MEGF11: variants seen among roughly 807,000 people sequenced by gnomAD.
MEGF11 encodes the protein multiple EGF like domains 11, also known as multiple epidermal growth factor-like domains protein 11.
A neutral mutation model predicts 146.6 loss-of-function variants in MEGF11; 126 were observed. That is an observed-to-expected ratio of 0.86 (90% CI 0.74 to 1.00). The LOEUF is 1.00. Among genes scored for constraint, MEGF11 ranks in the 50% least tolerant of loss-of-function variants. The pLI is 0.00. For synonymous variants in MEGF11, 532 were observed against 583.4 expected (o/e 0.91, Z 1.27); for missense variants, 1,509 against 1,521.2 (o/e 0.99, Z 0.13).
intron 21 of MEGF11, among the ~76,000 whole-genome samples, chr15:65,910,143 C>T (rs1372134296): frequency 6.6e-6 from 1 of 152,084 alleles, no homozygotes; most frequent in Non-Finnish European, 1.5e-5. Flanking sequence ...CTGGTGATGT[C>T]TCAGCTGCAA....
At chr15:65,991,869 GA>G (rs2082053421) in intron 5 of MEGF11, among the ~76,000 whole-genome samples, 1 of 152,178 alleles carries the variant, frequency 6.6e-6, no homozygotes, top group Non-Finnish European at 1.5e-5. Flanking sequence ...CAGCTATTAC[GA>G]GATGAGAGGC....
rs1185541197 is a variant in MEGF11 at position 65,982,511 on chromosome 15, G to A, written c.395-23C>T. ...AGCCTGCAAGAGACGGGACAGTCAGGGATCAGGAGCCCCGAAGGCTCTCCT... is the reference window on the plus strand; with the variant it reads ...AGCCTGCAAGAGACGGGACAGTCAGAGATCAGGAGCCCCGAAGGCTCTCCT... On this transcript the variant is annotated intron_variant, in intron 5 of 25. Coordinates refer to ENST00000395614, the MANE Select transcript of MEGF11 (RefSeq NM_001385028.1). The surrounding 1 kb of genome is among the most constrained non-coding windows in gnomAD (Gnocchi z 5.6). 1.4e-6 allele frequency: 2 copies of A among 1,455,466 alleles called. No homozygotes were observed. The highest frequency in any genetic ancestry group is 1.8e-6 in the Non-Finnish European group (2 of 1,105,814). 90.2% of individuals were successfully genotyped at this position (1,455,466 alleles called of 1,614,324 possible).
At chr15:66,075,712 G>A (rs1191294332) in intron 5 of MEGF11, among the ~76,000 whole-genome samples, 5 of 152,198 alleles carry the variant, frequency 3.3e-5, no homozygotes, top group Admixed American at 2.6e-4. Context: ...CAGAACAGTG[G>A]GTGTTTTGAA....
rs1409384387 is a variant in MEGF11, at chr15:65,982,321, G to A, written c.562C>T (p.Pro188Ser). ...CTGGCACCGTGTCGGCACTGGCACG[G>A]CAGCTGGCATCCCTTGCCGTGGGTG... ...PGTHGKGCQLPCQCRHGASCD... is the reference protein window; with the variant it reads ...PGTHGKGCQLSCQCRHGASCD... Residue 188 changes from proline (P) to serine (S), a missense_variant, in exon 6 of 26, where the codon CCG becomes TCG. By Grantham distance (74) the Pro-to-Ser change is moderately conservative (BLOSUM62 -1). Coordinates refer to ENST00000395614, the MANE Select transcript of MEGF11 (RefSeq NM_001385028.1). This position sits in a 1 kb window ranked among gnomAD's most constrained non-coding sequence, Gnocchi z 5.6. 1.3e-6 allele frequency: 2 copies of A among 1,530,954 alleles called. No homozygotes were observed. Among genetic ancestry groups the A allele is most frequent in the Non-Finnish European group, 8.8e-7 (1 of 1,139,472 alleles). 94.8% of individuals were successfully genotyped at this position (1,530,954 alleles called of 1,614,324 possible).
At chr15:66,019,264 T>TCCTG (rs2140159164) in intron 5 of MEGF11, among the ~76,000 whole-genome samples, 1 of 152,210 alleles carries the variant, frequency 6.6e-6, no homozygotes, top group African/African-American at 2.4e-5. Flanking sequence ...CAAGCACCAA[T>TCCTG]CCTGACATGG....
At position 65,932,456 on chromosome 15, in the gene MEGF11, G is replaced by A. The variant is rs928867466; in HGVS notation, c.1288-1513C>T. Among the ~76,000 whole-genome samples the A allele has an allele frequency of 6.3e-5, 9 of 143,538 alleles. No homozygotes were observed. The East Asian group carries it at 1.2e-3, about 20-fold the overall frequency. The allele number at this position is 143,538 out of a possible 152,430, so 94.2% of individuals were successfully genotyped here. ...GTTAGCTCCACTAAACAATTTGGAC[G>A]AGGGGCAAGTTACAGGGTAGGAGAC... On this transcript the variant is annotated intron_variant, in intron 10 of 25. Coordinates refer to ENST00000395614, the MANE Select transcript of MEGF11 (RefSeq NM_001385028.1).
intron 4 of MEGF11, among the ~76,000 whole-genome samples, chr15:66,101,376 C>T (rs2086801119): frequency 6.6e-6 from 1 of 152,186 alleles, no homozygotes; most frequent in African/African-American, 2.4e-5. Flanking sequence ...CCATCTACAA[C>T]CTGCATCTCC....
chr15:66,115,131 A>G (rs1442907355), intron 4 of MEGF11, among the ~76,000 whole-genome samples: 1 of 152,224 alleles, frequency 6.6e-6, no homozygotes, highest in Non-Finnish European at 1.5e-5. Context: ...GGAAGATGAC[A>G]TCCTCCCGCC....
chr15:65,935,269 G>A (rs773186150), intron 10 of MEGF11, among the ~76,000 whole-genome samples: 22 of 137,976 alleles, frequency 1.6e-4, no homozygotes, highest in Non-Finnish European at 2.7e-4. Context: ...GCAGTGAGCC[G>A]AGGTCACACC....
At chr15:65,968,031 T>G (rs141556133) in intron 8 of MEGF11, among the ~76,000 whole-genome samples, 110 of 152,274 alleles carry the variant, frequency 7.2e-4, no homozygotes, top group Middle Eastern at 3.4e-3. Flanking sequence ...GTGGCTAAGA[T>G]GACCCCAGAT....
chr15:65,966,050 G>A (rs1282763700), intron 8 of MEGF11, among the ~76,000 whole-genome samples: 7 of 152,156 alleles, frequency 4.6e-5, no homozygotes, highest in Non-Finnish European at 7.4e-5. Flanking sequence ...CTGTTGCCCA[G>A]GCTGGAATGG....
chr15:66,101,635 A>G (rs1371563598), intron 4 of MEGF11, among the ~76,000 whole-genome samples: 1 of 152,230 alleles, frequency 6.6e-6, no homozygotes, highest in African/African-American at 2.4e-5. Context: ...TGCCCGGCAC[A>G]TGGCAGGTGT....
At chr15:66,223,430 C>T (rs1215112382) in intron 1 of MEGF11, among the ~76,000 whole-genome samples, 3 of 151,696 alleles carry the variant, frequency 2.0e-5, no homozygotes, top group Non-Finnish European at 4.4e-5. Context: ...GTGATGGTTG[C>T]ATAACTCTGT....
intron 10 of MEGF11, among the ~76,000 whole-genome samples, chr15:65,941,346 G>A (rs1346463427): frequency 6.6e-6 from 1 of 152,112 alleles, no homozygotes; most frequent in African/African-American, 2.4e-5. Context: ...AACTTGGGAG[G>A]CTGAGGCACG....
rs549512161 is a variant in MEGF11 at position 66,173,140 on chromosome 15, C to T, written c.-8-44729G>A. On this transcript the variant is annotated intron_variant, in intron 1 of 25. Coordinates refer to ENST00000395614, the MANE Select transcript of MEGF11 (RefSeq NM_001385028.1). ...GGCTCTGTAGCCTGGAGCACCCTTTCTTATGGTCTTTGTATTTGTCCCCTC... is the reference window on the plus strand; with the variant it reads ...GGCTCTGTAGCCTGGAGCACCCTTTTTTATGGTCTTTGTATTTGTCCCCTC... 7.9e-5 allele frequency among the ~76,000 whole-genome samples: 12 copies of T among 152,238 alleles called. No individual in the cohort carries two copies. In the South Asian group the frequency reaches 2.5e-3, roughly 32 times the overall value.
chr15:65,915,357 C>G (rs1251127722), intron 19 of MEGF11, 113 bp downstream of exon 19: 2 of 1,400,668 alleles, frequency 1.4e-6, no homozygotes, highest in African/African-American at 1.4e-5. Context: ...GCTGTCCTCA[C>G]AAATGTGAAT....
intron 1 of MEGF11, among the ~76,000 whole-genome samples, chr15:66,166,375 T>G (rs147755702): frequency 9.9e-4 from 151 of 152,252 alleles, no homozygotes; most frequent in Non-Finnish European, 2.0e-3. Context: ...CTCTGATCCA[T>G]GCACCAGCAT....
At chr15:65,969,144 T>C (rs1303110890) in intron 8 of MEGF11, among the ~76,000 whole-genome samples, 1 of 152,152 alleles carries the variant, frequency 6.6e-6, no homozygotes, top group East Asian at 1.9e-4. Context: ...CTTTCTCTAT[T>C]TGGCACATCT....
chr15:66,137,215 G>A (rs1303959091), intron 1 of MEGF11, among the ~76,000 whole-genome samples: 1 of 152,156 alleles, frequency 6.6e-6, no homozygotes, highest in Admixed American at 6.5e-5. Flanking sequence ...TCATCTTTTG[G>A]GGAAGGGATG....
Sources: allele counts gnomAD v4.1 joint callset (sites outside exome capture counted in the v4.1 genomes callset), GRCh38; gene constraint gnomAD v4.1.1; non-coding constraint Gnocchi (gnomAD v3.1); transcripts MANE v1.5; gene names NCBI Gene and HGNC (gene_info 2026-07-23, HGNC 2026-07-21).